The following NKAIN1 variants were observed in gnomAD, a reference collection of about 807,000 sequenced individuals.
NKAIN1 encodes sodium/potassium-transporting ATPase subunit beta-1-interacting protein 1.
A neutral mutation model predicts 31.6 loss-of-function variants in NKAIN1; 13 were observed. That is an observed-to-expected ratio of 0.41 (90% CI 0.27 to 0.65). NKAIN1 has a LOEUF of 0.65. Ranked by LOEUF, NKAIN1 falls within the 30% of genes least tolerant of loss-of-function variation. NKAIN1 has a pLI of 0.30. For synonymous variants in NKAIN1, 104 were observed against 109.0 expected (o/e 0.95, Z 0.28); for missense variants, 193 against 262.2 (o/e 0.74, Z 1.82).
At chr1:31,232,784 G>C (rs1462136244) in intron 1 of NKAIN1, among the ~76,000 whole-genome samples, 2 of 151,964 alleles carry the variant, frequency 1.3e-5, no homozygotes, top group African/African-American at 4.8e-5. Context: ...GCTTGGTCCA[G>C]ATTTTATAAC....
At chr1:31,220,754 C>CAAAAAAAAAAAAAAAAAAAAAAAAAAA (rs772908877) in intron 1 of NKAIN1, among the ~76,000 whole-genome samples, 1 of 58,912 alleles carries the variant, frequency 1.7e-5, no homozygotes, top group Non-Finnish European at 3.3e-5. Context: ...ACTCCATCTC[C>CAAAAAAAAAAAAAAAAAAAAAAAAAAA]AAAAAAAAAA....
intron 1 of NKAIN1, among the ~76,000 whole-genome samples, chr1:31,237,854 C>A (rs1645703529): frequency 6.6e-6 from 1 of 151,874 alleles, no homozygotes; most frequent in Admixed American, 6.6e-5. Context: ...TTATTTTTTA[C>A]AATATATGTA....
chr1:31,224,480 C>G (rs1280524364), intron 1 of NKAIN1, among the ~76,000 whole-genome samples: 1 of 152,186 alleles, frequency 6.6e-6, no homozygotes, highest in Admixed American at 6.5e-5. Flanking sequence ...TTCCACACCC[C>G]AATAAACCCA....
chr1:31,232,396 C>CACATATATAT (rs1334094237), intron 1 of NKAIN1, among the ~76,000 whole-genome samples: 26 of 6,404 alleles, frequency 4.1e-3, no homozygotes, highest in Admixed American at 9.9e-3. Flanking sequence ...TGGCCTACTT[C>CACATATATAT]ATATATATAT....
At chr1:31,205,176 G>A (rs74449894) in intron 1 of NKAIN1, among the ~76,000 whole-genome samples, 1,800 of 152,044 alleles carry the variant, frequency 0.012, 34 homozygotes, top group African/African-American at 0.041. Flanking sequence ...TCTCGCCCGG[G>A]CTGGAATACA....
At chr1:31,236,522 C>G (rs748586706) in intron 1 of NKAIN1, among the ~76,000 whole-genome samples, 1 of 152,132 alleles carries the variant, frequency 6.6e-6, no homozygotes, top group Non-Finnish European at 1.5e-5. Context: ...CATCCCGGGG[C>G]ACATTATGGA....
intron 1 of NKAIN1, among the ~76,000 whole-genome samples, chr1:31,215,006 A>G (rs6669344): frequency 0.98 from 148,996 of 152,292 alleles, 72,976 homozygotes; most frequent in Middle Eastern, 1. Context: ...AAGTGTTCCC[A>G]GTCAGCATCT....
intron 1 of NKAIN1, among the ~76,000 whole-genome samples, chr1:31,208,939 C>T (rs1037751325): frequency 1.3e-5 from 2 of 152,180 alleles, no homozygotes; most frequent in East Asian, 3.9e-4. Flanking sequence ...ATAACTCCTA[C>T]CCTTCTCACC....
chr1:31,227,016 G>T (rs886272854), intron 1 of NKAIN1, among the ~76,000 whole-genome samples: 5 of 152,104 alleles, frequency 3.3e-5, no homozygotes, highest in East Asian at 1.9e-4. Flanking sequence ...GTAGAGACGG[G>T]ATTTCACCAT....
At chr1:31,231,178 C>T (rs1271991211) in intron 1 of NKAIN1, among the ~76,000 whole-genome samples, 4 of 151,898 alleles carry the variant, frequency 2.6e-5, no homozygotes, top group Non-Finnish European at 5.9e-5. Context: ...GCCACTGCAC[C>T]ATCCAGTTAT....
At chr1:31,224,786 C>T (rs903307408) in intron 1 of NKAIN1, among the ~76,000 whole-genome samples, 1 of 152,190 alleles carries the variant, frequency 6.6e-6, no homozygotes, top group Non-Finnish European at 1.5e-5. Context: ...GACAGTCAAC[C>T]AAATGTGGGT....
chr1:31,225,325 CTTT>C (rs139451212), intron 1 of NKAIN1, among the ~76,000 whole-genome samples: 4,094 of 52,126 alleles, frequency 0.079, 189 homozygotes, highest in Non-Finnish European at 0.1. Context: ...CATGCCCGGC[CTTT>C]TTTTTTTTTT....
chr1:31,193,857 T>C (rs1645304466), intron 1 of NKAIN1: 1 of 152,186 alleles, frequency 6.6e-6, no homozygotes, highest in Non-Finnish European at 1.5e-5. Flanking sequence ...AGGGCTGTGG[T>C]GATTGTAAAT....
intron 1 of NKAIN1, among the ~76,000 whole-genome samples, chr1:31,211,615 T>C (rs1645469878): frequency 6.6e-6 from 1 of 151,496 alleles, no homozygotes; most frequent in East Asian, 1.9e-4. Flanking sequence ...TTTTTTTTTT[T>C]CAGGAATGTA....
At chr1:31,185,193 G>A in intron 3 of NKAIN1, 54 bp downstream of exon 3, 1 of 1,443,882 alleles carries the variant, frequency 6.9e-7, no homozygotes, top group Non-Finnish European at 9.6e-7. Context: ...CCTTAGGGCA[G>A]GGGATGGGAA....
intron 1 of NKAIN1, among the ~76,000 whole-genome samples, chr1:31,232,461 A>AGAGAGAGG (rs1557664532): frequency 2.3e-4 from 28 of 124,380 alleles, no homozygotes; most frequent in African/African-American, 8.4e-4. Flanking sequence ...AGAGAGAGAG[A>AGAGAGAGG]GAGAGAGAGA....
intron 1 of NKAIN1, among the ~76,000 whole-genome samples, chr1:31,230,519 A>G (rs997612481): frequency 1.6e-4 from 24 of 152,292 alleles, no homozygotes; most frequent in Admixed American, 4.6e-4. Context: ...CGGCTCTTCT[A>G]AAACCTTACT....
intron 1 of NKAIN1, among the ~76,000 whole-genome samples, chr1:31,220,128 C>T (rs1292474763): frequency 6.6e-6 from 1 of 151,456 alleles, no homozygotes; most frequent in Non-Finnish European, 1.5e-5. Flanking sequence ...ATGCCTCAGC[C>T]ACCTGAGCAG....
intron 1 of NKAIN1, among the ~76,000 whole-genome samples, chr1:31,204,230 G>T (rs1570462923): frequency 6.6e-6 from 1 of 152,264 alleles, no homozygotes; most frequent in Admixed American, 6.5e-5. Context: ...CTGGTCCCTA[G>T]GAGGCAGGGA....
Sources: gnomAD v4.1 joint callset for allele counts (sites outside exome capture counted in the v4.1 genomes callset) on GRCh38, gnomAD v4.1.1 for gene constraint, MANE v1.5 for transcripts, NCBI Gene and HGNC (gene_info 2026-07-23, HGNC 2026-07-21) for gene names.